Variants in CHD7 observed in about 807,000 individuals in gnomAD.
CHD7 encodes ATP-dependent chromatin remodeler CHD7.
A neutral mutation model predicts 307.3 loss-of-function variants in CHD7; 24 were observed. That is an observed-to-expected ratio of 0.08 (90% CI 0.06 to 0.11). The LOEUF (loss-of-function observed/expected upper bound fraction) is 0.11. Among genes scored for constraint, CHD7 ranks in the 10% least tolerant of loss-of-function variants. The pLI is 1.00. For missense variants in CHD7, 3,106 were observed against 3,727.1 expected, an observed-to-expected ratio of 0.83 and a Z score of 4.34; for synonymous variants, 1,363 against 1,349.9, an observed-to-expected ratio of 1.01 and a Z score of -0.21.
chr8:60,835,533 T>TTGTCC (rs972718004), intron 15 of CHD7, among the ~76,000 whole-genome samples: 1 of 152,164 alleles, frequency 6.6e-6, no homozygotes, highest in Non-Finnish European at 1.5e-5. Context: ...TTCCAGGAAA[T>TTGTCC]TGTCCTGGAA....
intron 1 of CHD7, among the ~76,000 whole-genome samples, chr8:60,697,835 CGTG>C (rs1310009553): frequency 2.6e-5 from 4 of 152,208 alleles, no homozygotes; most frequent in African/African-American, 9.7e-5. Flanking sequence ...TTTAATCACA[CGTG>C]GTGCCACCTC....
At chr8:60,779,490 C>T (rs1032934724) in intron 2 of CHD7, among the ~76,000 whole-genome samples, 7 of 152,176 alleles carry the variant, frequency 4.6e-5, no homozygotes, top group Non-Finnish European at 1.0e-4. Context: ...CTTTTCCTTT[C>T]TGAAAGTTGG....
rs570691119 is a variant in CHD7, at chr8:60,850,535, G to A, written c.5447G>A (p.Cys1816Tyr). The change falls in exon 26 of 38, where the codon TGC (cysteine) becomes TAC (tyrosine). Residue 1816 changes from cysteine (C) to tyrosine (Y), a missense_variant. Physicochemically the swap from Cys to Tyr is radical, Grantham distance 194. Transcript: ENST00000423902. ...TCCATGCGAGCTGACCCCGCGCTGT[G>A]CTTTCTGGAACGAGTCGGTATGCCT... ...YNSMRADPALCFLERVGMPDA... is the reference protein window; with the variant it reads ...YNSMRADPALYFLERVGMPDA... The A allele has an allele frequency of 1.2e-6, 2 of 1,613,664 alleles. No homozygotes were observed. The highest frequency in any genetic ancestry group is 2.7e-5 in the African/African-American group (2 of 75,062).
intron 1 of CHD7, among the ~76,000 whole-genome samples, chr8:60,710,531 C>T (rs998687871): frequency 1.3e-5 from 2 of 152,206 alleles, no homozygotes; most frequent in Non-Finnish European, 2.9e-5. Flanking sequence ...AGTGTCTTTT[C>T]TGTTGTTAAG....
chr8:60,833,500 G>T (rs184130144), intron 15 of CHD7, among the ~76,000 whole-genome samples: 1 of 152,182 alleles, frequency 6.6e-6, no homozygotes, highest in African/African-American at 2.4e-5. Flanking sequence ...ATTTCAGAGA[G>T]AAAATAGTAA....
At position 60,771,699 on chromosome 8, in the gene CHD7, G is replaced by T. The variant is rs187867785; in HGVS notation, c.1666-9301G>T. 1.8e-3 allele frequency among the ~76,000 whole-genome samples: 55 copies of T among 30,712 alleles called. 1 individual carries two copies. The East Asian group carries it at 0.098, about 55-fold the overall frequency. The allele number at this position is 30,712 out of a possible 152,430, so 20.1% of individuals were successfully genotyped here. On this transcript the variant is annotated intron_variant, in intron 2 of 37. Transcript: ENST00000423902. ...GAGTCTTGACTGGGGAGGAATCCAT[G>T]TTCAGATTCATTCAGGTTGTCCACA...
At chr8:60,761,816 AT>A (rs1217852049) in intron 2 of CHD7, among the ~76,000 whole-genome samples, 2 of 152,052 alleles carry the variant, frequency 1.3e-5, no homozygotes, top group Admixed American at 1.3e-4. Flanking sequence ...TTAATCAGAA[AT>A]TTTCTTAAAA....
chr8:60,796,647 A>T (rs975002150), intron 4 of CHD7, among the ~76,000 whole-genome samples: 1 of 152,106 alleles, frequency 6.6e-6, no homozygotes, highest in Non-Finnish European at 1.5e-5. Context: ...TGCATTTCAA[A>T]CATAGAAAAC....
intron 2 of CHD7, among the ~76,000 whole-genome samples, chr8:60,770,115 C>T (rs191342054): frequency 1.3e-5 from 2 of 152,176 alleles, no homozygotes; most frequent in Non-Finnish European, 2.9e-5. Context: ...CTAACCACTG[C>T]GTACATACAC....
chr8:60,750,506 C>T (rs1809586518), intron 2 of CHD7, among the ~76,000 whole-genome samples: 1 of 152,188 alleles, frequency 6.6e-6, no homozygotes, highest in African/African-American at 2.4e-5. Context: ...ATGGGAGCTA[C>T]AAATACAACG....
chr8:60,743,083 G>T lies in CHD7; in HGVS notation c.1651G>T (p.Val551Leu). 1 of 1,613,526 alleles carries T rather than the reference G, an allele frequency of 6.2e-7. No individual in the cohort carries two copies. The highest frequency in any genetic ancestry group is 8.5e-7 in the Non-Finnish European group (1 of 1,179,712). Residue 551 changes from valine to leucine, a missense_variant, in exon 2 of 38, where the codon GTG (valine) becomes TTG (leucine). Physicochemically the swap from Val to Leu is conservative, Grantham distance 32. Transcript: ENST00000423902. ...HPSPQNTPQK[V>L]PVHQHSPSEP... Reference sequence around the variant, plus strand: ...ATCACCCCAGAACACCCCGCAGAAAGTGCCTGTGCATCAGGTAAGGGGACA... The same window carrying T: ...ATCACCCCAGAACACCCCGCAGAAATTGCCTGTGCATCAGGTAAGGGGACA...
In CHD7 at chr8:60,746,395, C is replaced by T. The variant is rs181700408; in HGVS notation, c.1665+3298C>T. 2.6e-5 allele frequency among the ~76,000 whole-genome samples: 4 copies of T among 152,288 alleles called. No individual in the cohort carries two copies. In the East Asian group the frequency reaches 7.7e-4, roughly 29 times the overall value. On this transcript the variant is annotated intron_variant, in intron 2 of 37. Coordinates refer to ENST00000423902, the MANE Select transcript of CHD7 (RefSeq NM_017780.4). ...GGTAATTCAAAATACTATCCTATAC[C>T]TTTAAAATCTCTCTCTCTGAATGAT...
At chr8:60,840,797 T>C (rs980838394) in intron 19 of CHD7, among the ~76,000 whole-genome samples, 2 of 151,764 alleles carry the variant, frequency 1.3e-5, no homozygotes, top group Non-Finnish European at 2.9e-5. Flanking sequence ...TTTGCATTTT[T>C]TGTAGAGACA....
rs1444734195 is a variant in CHD7 at position 60,678,818 on chromosome 8, G to C, written c.-439G>C. ...CGGCGGCGGCGGCGGCGGCGCGGGG[G>C]TTGAGTCGTGGTGGTGCGGACGCGC... On this transcript the variant is annotated 5_prime_UTR_variant, in exon 1 of 38. Coordinates refer to ENST00000423902, the MANE Select transcript of CHD7 (RefSeq NM_017780.4). The C allele has an allele frequency of 6.7e-6, 1 of 148,166 alleles. No homozygotes were observed. Among genetic ancestry groups the C allele is most frequent in the Non-Finnish European group, 1.5e-5 (1 of 67,006 alleles). The allele number at this position is 148,166 out of a possible 1,614,324, so 9.2% of individuals were successfully genotyped here. A position where few individuals can be genotyped will look rare whatever the true frequency, so the allele number is the denominator to read the frequency against.
At chr8:60,790,573 A>G (rs1207554878) in intron 3 of CHD7, among the ~76,000 whole-genome samples, 1 of 152,144 alleles carries the variant, frequency 6.6e-6, no homozygotes, top group East Asian at 1.9e-4. Context: ...TGAGAAAAAT[A>G]TTTAGAGTAG....
At chr8:60,700,574 T>A (rs1806712397) in intron 1 of CHD7, among the ~76,000 whole-genome samples, 1 of 152,224 alleles carries the variant, frequency 6.6e-6, no homozygotes, top group African/African-American at 2.4e-5. Flanking sequence ...ACTATTACGT[T>A]GCTCATTTTA....
Position 60,866,592 on chromosome 8 carries a change from T to C in CHD7, c.*659T>C, listed in dbSNP as rs886063048. 7 of 152,576 alleles carry C rather than the reference T, an allele frequency of 4.6e-5. No homozygotes were observed. Among genetic ancestry groups the C allele is most frequent in the Non-Finnish European group, 8.8e-5 (6 of 68,036 alleles). The allele number at this position is 152,576 out of a possible 1,614,324, so 9.5% of individuals were successfully genotyped here. A position where few individuals can be genotyped will look rare whatever the true frequency, so the allele number is the denominator to read the frequency against. The stretch of plus-strand genomic sequence containing the variant: ...ACAGAACTACAGTTCCATTGTCTCG[T>C]GGTCTTGTAATGCACTGGTAAAAAC... On this transcript the variant is annotated 3_prime_UTR_variant, in exon 38 of 38. Coordinates refer to ENST00000423902, the MANE Select transcript of CHD7 (RefSeq NM_017780.4).
chr8:60,853,012 A>G lies in CHD7; in HGVS notation c.6287A>G (p.His2096Arg), dbSNP rs587783451. Residue 2096 changes from histidine to arginine, a missense_variant, in exon 31 of 38, where the codon CAT becomes CGT. Transcript: ENST00000423902. ...DLPEWWECGR[H>R]DRDLLVGAAK... ...CCAGAGTGGTGGGAGTGTGGACGGC[A>G]TGACCGAGACTTGCTGGTTGGTGCT... 1 of 1,614,010 alleles carries G rather than the reference A, an allele frequency of 6.2e-7. No individual in the cohort carries two copies. Among genetic ancestry groups the G allele is most frequent in the Non-Finnish European group, 8.5e-7 (1 of 1,179,888 alleles).
At chr8:60,852,366 C>A in intron 29 of CHD7, 119 bp downstream of exon 29, 1 of 1,288,570 alleles carries the variant, frequency 7.8e-7, no homozygotes, top group South Asian at 1.5e-5. Flanking sequence ...AAGGCTCGCT[C>A]CAACAAAGCA....
Sources: allele counts gnomAD v4.1 joint callset (sites outside exome capture counted in the v4.1 genomes callset), GRCh38; gene constraint gnomAD v4.1.1; transcripts MANE v1.5; gene names NCBI Gene and HGNC (gene_info 2026-07-23, HGNC 2026-07-21).